Variants in AGPAT4 observed in about 807,000 individuals in gnomAD.
The protein encoded by AGPAT4 is 1-acylglycerol-3-phosphate O-acyltransferase 4, also known as 1-acyl-sn-glycerol-3-phosphate acyltransferase delta.
AGPAT4 carries 15 observed loss-of-function variants against 48.0 expected under a neutral mutation model. That is an observed-to-expected ratio of 0.31 (90% CI 0.21 to 0.48). The LOEUF (loss-of-function observed/expected upper bound fraction) is 0.48, where lower values mean the gene tolerates loss of function less well. Ranked by LOEUF, AGPAT4 falls within the 20% of genes least tolerant of loss-of-function variation. The pLI is 0.99. For missense variants in AGPAT4, 314 were observed against 482.5 expected (o/e 0.65, Z 3.27); for synonymous variants, 178 against 198.7 (o/e 0.90, Z 0.88).
At position 161,144,429 on chromosome 6, in the gene AGPAT4, A is replaced by G. The variant is rs1341496895; in HGVS notation, c.843+2095T>C. On this transcript the variant is annotated intron_variant, in intron 7 of 8. Transcript: ENST00000320285. The surrounding 1 kb of genome is among the most constrained non-coding windows in gnomAD (Gnocchi z 6.6). ...TGAGAACCCTACCAAGTTGAACACT[A>G]TCATTTAAATGTGAACATAGTTTAG... Among the ~76,000 whole-genome samples the G allele has an allele frequency of 1.3e-5, 2 of 152,166 alleles. No homozygotes were observed. Among genetic ancestry groups the G allele is most frequent in the Non-Finnish European group, 1.5e-5 (1 of 68,034 alleles).
rs1781998739 is a variant in AGPAT4 at position 161,226,972 on chromosome 6, TG to T, written c.178+5063del. Among the ~76,000 whole-genome samples the T allele has an allele frequency of 6.6e-6, 1 of 152,172 alleles. No individual in the cohort carries two copies. ...AAGAAGGAATAGAAGAAGGAAAGAT[TG>T]TTTTGTTTTACAGTTTGAAAATACA... On this transcript the variant is annotated intron_variant, in intron 2 of 8. Coordinates refer to ENST00000320285, the MANE Select transcript of AGPAT4 (RefSeq NM_020133.3). The surrounding 1 kb of genome is among the most constrained non-coding windows in gnomAD (Gnocchi z 6.3).
In AGPAT4 at chr6:161,166,543, G is replaced by A. The variant is rs746363103; in HGVS notation, c.179-126C>T. The A allele has an allele frequency of 2.2e-5, 24 of 1,106,082 alleles. No homozygotes were observed. Among genetic ancestry groups the A allele is most frequent in the African/African-American group, 9.6e-5 (6 of 62,798 alleles). 68.5% of individuals were successfully genotyped at this position (1,106,082 alleles called of 1,614,324 possible). On this transcript the variant is annotated intron_variant, in intron 2 of 8. Transcript: ENST00000320285. The surrounding 1 kb of genome is among the most constrained non-coding windows in gnomAD (Gnocchi z 6.7). Reference sequence around the variant, plus strand: ...ACTTCTACGGGCAAAGTTCTGGATCGTTGCAGCACAGACCTTGGTCCTTGA... The same window carrying A: ...ACTTCTACGGGCAAAGTTCTGGATCATTGCAGCACAGACCTTGGTCCTTGA...
chr6:161,228,661 T>TAAAAAAAAAAAAAAAAAAAA lies in AGPAT4; in HGVS notation c.178+3374_178+3375insTTTTTTTTTTTTTTTTTTTT, dbSNP rs375011382. ...TTTGAAACCCACAATGTCAGAGAGG[T>TAAAAAAAAAAAAAAAAAAAA]AAAAAAAAAAAAAAAAGCCAGTCTT... On this transcript the variant is annotated intron_variant, in intron 2 of 8. Coordinates refer to ENST00000320285, the MANE Select transcript of AGPAT4 (RefSeq NM_020133.3). 1.9e-3 allele frequency among the ~76,000 whole-genome samples: 156 copies of TAAAAAAAAAAAAAAAAAAAA among 84,066 alleles called. 8 individuals carry two copies. Among genetic ancestry groups the TAAAAAAAAAAAAAAAAAAAA allele is most frequent in the African/African-American group, 3.8e-3 (68 of 17,876 alleles). The allele number at this position is 84,066 out of a possible 152,430, so 55.2% of individuals were successfully genotyped here. A position where few individuals can be genotyped will look rare whatever the true frequency, so the allele number is the denominator to read the frequency against.
rs1582922649 is a variant in AGPAT4 at position 161,266,591 on chromosome 6, G to A, written c.-90+7347C>T. 6.6e-6 allele frequency among the ~76,000 whole-genome samples: 1 copy of A among 152,240 alleles called. No homozygotes were observed. The highest frequency in any genetic ancestry group is 1.5e-5 in the Non-Finnish European group (1 of 68,014). On this transcript the variant is annotated intron_variant, in intron 1 of 8. Transcript: ENST00000320285. This position sits in a 1 kb window ranked among gnomAD's most constrained non-coding sequence, Gnocchi z 6.2. ...GAAATGGACTCACAGGCATAGAAAT[G>A]GTTCCTATGCAGGCTACCCACACAA...
rs904769510 is a variant in AGPAT4, at chr6:161,244,779, T to C, written c.-89-12477A>G. On this transcript the variant is annotated intron_variant, in intron 1 of 8. Transcript: ENST00000320285. The surrounding 1 kb of genome is among the most constrained non-coding windows in gnomAD (Gnocchi z 4.7). ...CCTGGGTCAACTGATCCAGTAAGAG[T>C]GATGCCTTCCACCACTTAGCCTAGG... Among the ~76,000 whole-genome samples the C allele has an allele frequency of 1.3e-4, 19 of 151,996 alleles. No individual in the cohort carries two copies. Among genetic ancestry groups the C allele is most frequent in the African/African-American group, 3.6e-4 (15 of 41,362 alleles).
Position 161,154,446 on chromosome 6 carries a change from T to C in AGPAT4, c.349-136A>G. ...CTCGGGACAGTCCCAGAACACATGC[T>C]GTCGAGGCCATGGACCCTGGTGCCC... On this transcript the variant is annotated intron_variant, in intron 3 of 8. Transcript: ENST00000320285. The surrounding 1 kb of genome is among the most constrained non-coding windows in gnomAD (Gnocchi z 7.8). 1.0e-6 allele frequency: 1 copy of C among 988,912 alleles called. No homozygotes were observed. Among genetic ancestry groups the C allele is most frequent in the Non-Finnish European group, 1.5e-6 (1 of 684,762 alleles). The allele number at this position is 988,912 out of a possible 1,614,324, so 61.3% of individuals were successfully genotyped here. A position where few individuals can be genotyped will look rare whatever the true frequency, so the allele number is the denominator to read the frequency against.
Position 161,229,287 on chromosome 6 carries a change from A to G in AGPAT4, c.178+2749T>C, listed in dbSNP as rs1782062449. Among the ~76,000 whole-genome samples the G allele has an allele frequency of 6.6e-6, 1 of 152,132 alleles. No individual in the cohort carries two copies. Among genetic ancestry groups the G allele is most frequent in the African/African-American group, 2.4e-5 (1 of 41,424 alleles). ...AATCATGAATGCTGATGACTGTCTA[A>G]GCTCAGAGTGACTCATACACCAGAA... is the stretch of plus-strand genomic sequence containing the variant. On this transcript the variant is annotated intron_variant, in intron 2 of 8. Coordinates refer to ENST00000320285, the MANE Select transcript of AGPAT4 (RefSeq NM_020133.3). The surrounding 1 kb of genome is among the most constrained non-coding windows in gnomAD (Gnocchi z 6.0).
chr6:161,156,609 A>G lies in AGPAT4; in HGVS notation c.349-2299T>C, dbSNP rs564687235. Among the ~76,000 whole-genome samples, 5 of 152,378 alleles carry G rather than the reference A, an allele frequency of 3.3e-5. No individual in the cohort carries two copies. In the South Asian group the frequency reaches 1.0e-3, roughly 32 times the overall value. Reference sequence around the variant, plus strand: ...TATGACTTTATGAAAAAAGTAAAGCAGAGAAAAACAACAGTAGTTGTTGCT... The same window carrying G: ...TATGACTTTATGAAAAAAGTAAAGCGGAGAAAAACAACAGTAGTTGTTGCT... On this transcript the variant is annotated intron_variant, in intron 3 of 8. Transcript: ENST00000320285.
rs1372300599 is a variant in AGPAT4, at chr6:161,233,476, T to A, written c.-89-1174A>T. Among the ~76,000 whole-genome samples the A allele has an allele frequency of 5.3e-5, 8 of 152,310 alleles. No individual in the cohort carries two copies. The highest frequency in any genetic ancestry group is 2.0e-4 in the Admixed American group (3 of 15,304). ...TACAATCTTTTTTAATAATGAACAA[T>A]CTGTATACAGATGGTCCTCGACTTA... On this transcript the variant is annotated intron_variant, in intron 1 of 8. Transcript: ENST00000320285. This position sits in a 1 kb window ranked among gnomAD's most constrained non-coding sequence, Gnocchi z 5.4.
At chr6:161,230,762 G>A (rs1313830996) in intron 2 of AGPAT4, among the ~76,000 whole-genome samples, 1 of 152,210 alleles carries the variant, frequency 6.6e-6, no homozygotes, top group African/African-American at 2.4e-5. Flanking sequence ...TAAAGTTGCT[G>A]TTTTACAATT....
chr6:161,270,507 G>A lies in AGPAT4; in HGVS notation c.-90+3431C>T, dbSNP rs1017639311. ...ATGTGGGCCAGGCACGGTGGCTCAC[G>A]CCTGTAATCCCAGCATTCTGGGAGG... On this transcript the variant is annotated intron_variant, in intron 1 of 8. Coordinates refer to ENST00000320285, the MANE Select transcript of AGPAT4 (RefSeq NM_020133.3). This position sits in a 1 kb window ranked among gnomAD's most constrained non-coding sequence, Gnocchi z 5.3. Among the ~76,000 whole-genome samples, 15 of 152,188 alleles carry A rather than the reference G, an allele frequency of 9.9e-5. No individual in the cohort carries two copies. Among genetic ancestry groups the A allele is most frequent in the African/African-American group, 2.7e-4 (11 of 41,434 alleles).
chr6:161,209,494 T>C (rs956177532), intron 2 of AGPAT4, among the ~76,000 whole-genome samples: 1 of 152,300 alleles, frequency 6.6e-6, no homozygotes, highest in South Asian at 2.1e-4. Context: ...CTGATCCTGA[T>C]ACTCTGTTCC....
At chr6:161,181,411 C>G (rs746760645) in intron 2 of AGPAT4, among the ~76,000 whole-genome samples, 1 of 151,810 alleles carries the variant, frequency 6.6e-6, no homozygotes, top group Non-Finnish European at 1.5e-5. Flanking sequence ...GTCCCCTCTT[C>G]TAAGCTTCCC....
At chr6:161,152,203 T>C (rs1019527667) in intron 5 of AGPAT4, among the ~76,000 whole-genome samples, 2 of 151,976 alleles carry the variant, frequency 1.3e-5, no homozygotes, top group Non-Finnish European at 1.5e-5. Context: ...GGAACACTGG[T>C]GACCAGGAGA....
In AGPAT4 at chr6:161,136,130, C is replaced by T. The variant is rs1264934145; in HGVS notation, c.*410G>A. The T allele has an allele frequency of 5.3e-6, 1 of 187,706 alleles. No individual in the cohort carries two copies. Among genetic ancestry groups the T allele is most frequent in the African/African-American group, 2.4e-5 (1 of 42,266 alleles). 11.6% of individuals were successfully genotyped at this position (187,706 alleles called of 1,614,324 possible). A position where few individuals can be genotyped will look rare whatever the true frequency, so the allele number is the denominator to read the frequency against. On this transcript the variant is annotated 3_prime_UTR_variant, in exon 9 of 9. Coordinates refer to ENST00000320285, the MANE Select transcript of AGPAT4 (RefSeq NM_020133.3). ...TTGGAGGCATAATTTAGTCATCTCA[C>T]CTAAAGCACTTTTCACTTTATCTCT...
chr6:161,156,129 T>C (rs1462907104), intron 3 of AGPAT4, among the ~76,000 whole-genome samples: 1 of 152,224 alleles, frequency 6.6e-6, no homozygotes, highest in African/African-American at 2.4e-5. Flanking sequence ...GATGGGAGTC[T>C]CTATCTCCAT....
At position 161,216,445 on chromosome 6, in the gene AGPAT4, G is replaced by A. The variant is rs551236702; in HGVS notation, c.178+15591C>T. Among the ~76,000 whole-genome samples the A allele has an allele frequency of 6.6e-6, 1 of 152,154 alleles. No homozygotes were observed. Among genetic ancestry groups the A allele is most frequent in the Admixed American group, 6.5e-5 (1 of 15,292 alleles). On this transcript the variant is annotated intron_variant, in intron 2 of 8. Transcript: ENST00000320285. This position sits in a 1 kb window ranked among gnomAD's most constrained non-coding sequence, Gnocchi z 4.8. Reference sequence around the variant, plus strand: ...CTCCTCAGGACAGTGAAACGCTTCCGGGCAATCGTTCTTTCCTCATTCTTT... The same window carrying A: ...CTCCTCAGGACAGTGAAACGCTTCCAGGCAATCGTTCTTTCCTCATTCTTT...
chr6:161,166,410 C>T lies in AGPAT4; in HGVS notation c.186G>A (p.Val62=). 6.2e-7 allele frequency: 1 copy of T among 1,606,232 alleles called. No individual in the cohort carries two copies. The change falls in exon 3 of 9, where the codon GTG becomes GTA. Residue 62 remains valine, a synonymous_variant. Transcript: ENST00000320285. The surrounding 1 kb of genome is among the most constrained non-coding windows in gnomAD (Gnocchi z 6.7). ...RLSYCISSQL[V]MLLEWWSGTE... Reference sequence around the variant, plus strand: ...TGCCCGACCACCACTCCAGCAGCATCACCAGCTCTGGAACAAACCACAACA... The same window carrying T: ...TGCCCGACCACCACTCCAGCAGCATTACCAGCTCTGGAACAAACCACAACA...
At chr6:161,227,829 G>A (rs527454612) in intron 2 of AGPAT4, among the ~76,000 whole-genome samples, 30 of 152,270 alleles carry the variant, frequency 2.0e-4, no homozygotes, top group African/African-American at 6.5e-4. Context: ...TTTTTTGAGC[G>A]TTACACAAAT....
Sources: allele counts gnomAD v4.1 joint callset (sites outside exome capture counted in the v4.1 genomes callset), GRCh38; gene constraint gnomAD v4.1.1; non-coding constraint Gnocchi (gnomAD v3.1); transcripts MANE v1.5; gene names NCBI Gene and HGNC (gene_info 2026-07-23, HGNC 2026-07-21).